The following BIN1 variants were observed in gnomAD, a reference collection of about 807,000 sequenced individuals.
The protein encoded by BIN1 is bridging integrator 1.
A neutral mutation model predicts 82.0 loss-of-function variants in BIN1; 53 were observed. The ratio of observed to expected loss-of-function variants is 0.65; its 90% confidence interval spans 0.52 to 0.81. The LOEUF is 0.81. Among genes scored for constraint, BIN1 ranks in the 40% least tolerant of loss-of-function variants. The pLI is 0.00. For synonymous variants in BIN1, 302 were observed against 328.0 expected, an observed-to-expected ratio of 0.92 and a Z score of 0.86; for missense variants, 642 against 784.4, an observed-to-expected ratio of 0.82 and a Z score of 2.17.
Position 127,068,058 on chromosome 2 carries a change from C to T in BIN1, c.612+105G>A, listed in dbSNP as rs1232221860. The stretch of plus-strand genomic sequence containing the variant: ...CAGCAGAGGCCTTTGAAAAACCCTG[C>T]CCCAGCTGGGCTCAGATGCCAGCCC... On this transcript the variant is annotated intron_variant, in intron 7 of 18. Coordinates refer to ENST00000316724, the MANE Select transcript of BIN1 (RefSeq NM_139343.3). The surrounding 1 kb of genome is among the most constrained non-coding windows in gnomAD (Gnocchi z 4.9). 15 of 1,202,118 alleles carry T rather than the reference C, an allele frequency of 1.2e-5. No homozygotes were observed. In the Admixed American group the frequency reaches 2.4e-4, roughly 19 times the overall value. The allele number at this position is 1,202,118 out of a possible 1,614,324, so 74.5% of individuals were successfully genotyped here.
At position 127,048,473 on chromosome 2, in the gene BIN1, T is replaced by G; in HGVS notation, c.*53A>C. The G allele has an allele frequency of 1.3e-6, 2 of 1,523,508 alleles. No individual in the cohort carries two copies. Among genetic ancestry groups the G allele is most frequent in the Non-Finnish European group, 1.8e-6 (2 of 1,099,664 alleles). 94.4% of individuals were successfully genotyped at this position (1,523,508 alleles called of 1,614,324 possible). On this transcript the variant is annotated 3_prime_UTR_variant, in exon 19 of 19. Coordinates refer to ENST00000316724, the MANE Select transcript of BIN1 (RefSeq NM_139343.3). ...ACAAAACAAAAAAAAGAACCACACATTTTTCGGGAGGAGGTGTTCTTCACA... is the reference window on the plus strand; with the variant it reads ...ACAAAACAAAAAAAAGAACCACACAGTTTTCGGGAGGAGGTGTTCTTCACA...
chr2:127,068,261 G>A lies in BIN1; in HGVS notation c.520-6C>T, dbSNP rs367953762. On this transcript the variant is annotated splice_polypyrimidine_tract_variant and splice_region_variant and intron_variant, in intron 6 of 18. Transcript: ENST00000316724. This position sits in a 1 kb window ranked among gnomAD's most constrained non-coding sequence, Gnocchi z 4.9. ...TTCTCAAGCAGCGAGACAGGCTGGGGTGGGGAGGTCAAGGCAAAGGAAGGT... is the reference window on the plus strand; with the variant it reads ...TTCTCAAGCAGCGAGACAGGCTGGGATGGGGAGGTCAAGGCAAAGGAAGGT... 38 of 1,610,346 alleles carry A rather than the reference G, an allele frequency of 2.4e-5. No homozygotes were observed. The highest frequency in any genetic ancestry group is 3.2e-5 in the Non-Finnish European group (38 of 1,179,318).
rs560903720 is a variant in BIN1 at position 127,088,249 on chromosome 2, C to A, written c.85-11543G>T. Among the ~76,000 whole-genome samples the A allele has an allele frequency of 3.9e-5, 6 of 152,324 alleles. No individual in the cohort carries two copies. The South Asian group carries it at 1.2e-3, about 32-fold the overall frequency. ...GAATCAGAGCCTCCCCTGCCAACGCCCACCCAAAAACGAAGGTGGCTTCCT... is the reference window on the plus strand; with the variant it reads ...GAATCAGAGCCTCCCCTGCCAACGCACACCCAAAAACGAAGGTGGCTTCCT... On this transcript the variant is annotated intron_variant, in intron 1 of 18. Coordinates refer to ENST00000316724, the MANE Select transcript of BIN1 (RefSeq NM_139343.3).
chr2:127,064,366 G>C (rs935149968), intron 7 of BIN1, among the ~76,000 whole-genome samples: 3 of 152,190 alleles, frequency 2.0e-5, no homozygotes, highest in African/African-American at 7.2e-5. Context: ...CCCAGACCCA[G>C]CCAAGTGGGG....
chr2:127,086,796 G>A (rs779911202), intron 1 of BIN1, among the ~76,000 whole-genome samples: 7 of 150,418 alleles, frequency 4.7e-5, no homozygotes, highest in South Asian at 2.1e-4. Context: ...ATGAGCCACC[G>A]CGTCCAGACA....
At chr2:127,073,797 C>G (rs970355550) in intron 2 of BIN1, among the ~76,000 whole-genome samples, 1 of 152,162 alleles carries the variant, frequency 6.6e-6, no homozygotes, top group Non-Finnish European at 1.5e-5. Context: ...AAGCTACAGA[C>G]GGACCCTAGG....
chr2:127,057,084 A>G lies in BIN1; in HGVS notation c.1131+389T>C, dbSNP rs909060317. On this transcript the variant is annotated intron_variant, in intron 12 of 18. Transcript: ENST00000316724. The surrounding 1 kb of genome is among the most constrained non-coding windows in gnomAD (Gnocchi z 5.0). ...GGCTGACAGCAGCTGTGGGAGCTGA[A>G]GTCCAGGTGCTTCAGCCATTCCAGG... Among the ~76,000 whole-genome samples the G allele has an allele frequency of 1.3e-5, 2 of 152,200 alleles. No individual in the cohort carries two copies. The highest frequency in any genetic ancestry group is 2.4e-5 in the African/African-American group (1 of 41,466).
chr2:127,066,193 C>T (rs1409274218), intron 7 of BIN1, among the ~76,000 whole-genome samples: 1 of 152,216 alleles, frequency 6.6e-6, no homozygotes, highest in African/African-American at 2.4e-5. Context: ...GCCCACAGGC[C>T]ACTCCAAAGG....
chr2:127,063,668 G>T, intron 8 of BIN1, 22 bp from the exon 9 acceptor site: 1 of 1,610,928 alleles, frequency 6.2e-7, no homozygotes, highest in African/African-American at 1.3e-5. Context: ...CGGAAGGATG[G>T]GGGCCAGGTG....
In BIN1 at chr2:127,063,950, C is replaced by T. The variant is rs199658397; in HGVS notation, c.681G>A (p.Leu227=). 3.3e-4 allele frequency: 527 copies of T among 1,613,820 alleles called. No homozygotes were observed. The highest frequency in any genetic ancestry group is 4.3e-4 in the Non-Finnish European group (511 of 1,179,988). The change falls in exon 8 of 19, where the codon CTG becomes CTA. Residue 227 remains leucine, a synonymous_variant. Transcript: ENST00000316724. The stretch of plus-strand genomic sequence containing the variant: ...GGCCTCACCTGTTCCACAGGGACGG[C>T]AGCTCCTCCTGCAGATCCACATTCA... ...EEMNVDLQEE[L]PSLWNSRVGF... is the part of the protein sequence containing the mutation.
Position 127,093,989 on chromosome 2 carries a change from C to T in BIN1, c.84+12871G>A, listed in dbSNP as rs1679263891. ...GGCATGGGTGCAGCTAGACACCCCC[C>T]ACTGGCCTAAGGCCCTGCTCCCTGC... is the stretch of plus-strand genomic sequence containing the variant. On this transcript the variant is annotated intron_variant, in intron 1 of 18. Coordinates refer to ENST00000316724, the MANE Select transcript of BIN1 (RefSeq NM_139343.3). The surrounding 1 kb of genome is among the most constrained non-coding windows in gnomAD (Gnocchi z 5.7). Among the ~76,000 whole-genome samples the T allele has an allele frequency of 6.6e-6, 1 of 152,194 alleles. No individual in the cohort carries two copies. Among genetic ancestry groups the T allele is most frequent in the Admixed American group, 6.5e-5 (1 of 15,282 alleles).
At chr2:127,077,318 A>C (rs745742455) in intron 1 of BIN1, among the ~76,000 whole-genome samples, 1 of 99,678 alleles carries the variant, frequency 1.0e-5, no homozygotes, top group Non-Finnish European at 2.1e-5. Context: ...TGCACAGCCC[A>C]CACACACACA....
intron 15 of BIN1, 143 bp downstream of exon 15, chr2:127,052,112 G>A (rs772528485): frequency 1.1e-6 from 1 of 931,486 alleles, no homozygotes; most frequent in African/African-American, 1.6e-5. Context: ...CCGTGCTGGG[G>A]CAGCCTAGCT....
At chr2:127,079,955 G>A (rs1258648395) in intron 1 of BIN1, among the ~76,000 whole-genome samples, 2 of 152,232 alleles carry the variant, frequency 1.3e-5, no homozygotes, top group African/African-American at 2.4e-5. Context: ...CCCACTCTGC[G>A]AGACCTCAGG....
intron 1 of BIN1, among the ~76,000 whole-genome samples, chr2:127,095,686 C>T (rs1199591277): frequency 6.6e-6 from 1 of 152,228 alleles, no homozygotes; most frequent in African/African-American, 2.4e-5. Context: ...GGGGCCAAGT[C>T]TGAGGCCCAA....
intron 1 of BIN1, among the ~76,000 whole-genome samples, chr2:127,105,029 C>T (rs1474408295): frequency 6.6e-6 from 1 of 152,246 alleles, no homozygotes; most frequent in Admixed American, 6.5e-5. Context: ...CAACTGTCAG[C>T]CAACTGCCCG....
At chr2:127,054,532 T>C in intron 12 of BIN1, 1 of 161,160 alleles carries the variant, frequency 6.2e-6, no homozygotes, top group Non-Finnish European at 1.4e-5. Context: ...ACACTGGCTT[T>C]TCCTCCACCC....
rs919467361 is a variant in BIN1 at position 127,067,283 on chromosome 2, G to A, written c.612+880C>T. On this transcript the variant is annotated intron_variant, in intron 7 of 18. Coordinates refer to ENST00000316724, the MANE Select transcript of BIN1 (RefSeq NM_139343.3). The surrounding 1 kb of genome is among the most constrained non-coding windows in gnomAD (Gnocchi z 4.7). Reference sequence around the variant, plus strand: ...GGAGAAGTGTGAGGGCCACATCCAGGCTGTGACTACACTGACCTGAAATGT... The same window carrying A: ...GGAGAAGTGTGAGGGCCACATCCAGACTGTGACTACACTGACCTGAAATGT... Among the ~76,000 whole-genome samples, 2 of 152,154 alleles carry A rather than the reference G, an allele frequency of 1.3e-5. No homozygotes were observed. The highest frequency in any genetic ancestry group is 4.8e-5 in the African/African-American group (2 of 41,432).
intron 1 of BIN1, among the ~76,000 whole-genome samples, chr2:127,102,809 C>G (rs540125786): frequency 4.1e-4 from 62 of 152,326 alleles, no homozygotes; most frequent in African/African-American, 1.3e-3. Context: ...GATGAACCAT[C>G]TACATAAGTA....
Sources: allele counts gnomAD v4.1 joint callset (sites outside exome capture counted in the v4.1 genomes callset), GRCh38; gene constraint gnomAD v4.1.1; non-coding constraint Gnocchi (gnomAD v3.1); transcripts MANE v1.5; gene names NCBI Gene and HGNC (gene_info 2026-07-23, HGNC 2026-07-21).